The following EIF4G3 variants were observed in gnomAD, a reference collection of about 807,000 sequenced individuals.
EIF4G3 encodes the protein eIF-4-gamma 3.
Under a neutral mutation model 186.4 loss-of-function variants are expected in EIF4G3, and 34 were observed. The observed-to-expected ratio is 0.18, with a 90% CI of 0.14 to 0.24. The LOEUF (loss-of-function observed/expected upper bound fraction) is 0.24, where lower values mean the gene tolerates loss of function less well. Ranked by LOEUF, EIF4G3 falls within the 10% of genes least tolerant of loss-of-function variation. EIF4G3 has a pLI of 1.00. For synonymous variants in EIF4G3, 673 were observed against 679.5 expected (o/e 0.99, Z 0.15); for missense variants, 1,536 against 1,948.5 (o/e 0.79, Z 3.99).
intron 2 of EIF4G3, among the ~76,000 whole-genome samples, chr1:21,125,263 C>T (rs2097008634): frequency 6.6e-6 from 1 of 152,070 alleles, no homozygotes; most frequent in African/African-American, 2.4e-5. Flanking sequence ...TGATATTCAA[C>T]TTCTGATAAA....
At chr1:21,157,413 C>T (rs6426674) in intron 2 of EIF4G3, among the ~76,000 whole-genome samples, 50,682 of 151,584 alleles carry the variant, frequency 0.33, 9,194 homozygotes, top group Non-Finnish European at 0.41. Flanking sequence ...TCTTTCTTAC[C>T]CAGGCTGGAG....
At chr1:21,125,898 T>C (rs2097030961) in intron 2 of EIF4G3, among the ~76,000 whole-genome samples, 2 of 151,296 alleles carry the variant, frequency 1.3e-5, no homozygotes, top group African/African-American at 4.9e-5. Flanking sequence ...CTTATTCCTA[T>C]TTCAGGATGA....
At chr1:20,843,976 G>A (rs974358431) in intron 29 of EIF4G3, among the ~76,000 whole-genome samples, 1 of 152,170 alleles carries the variant, frequency 6.6e-6, no homozygotes, top group Non-Finnish European at 1.5e-5. Flanking sequence ...TCCCTGCAAA[G>A]GAAAGGATCT....
At chr1:21,168,359 G>A (rs900709646) in intron 2 of EIF4G3, among the ~76,000 whole-genome samples, 2 of 151,906 alleles carry the variant, frequency 1.3e-5, no homozygotes, top group Non-Finnish European at 1.5e-5. Context: ...AGCTGAGATC[G>A]TGCCACTGCA....
At chr1:21,096,007 AAC>A (rs1222423912) in intron 2 of EIF4G3, among the ~76,000 whole-genome samples, 2 of 152,228 alleles carry the variant, frequency 1.3e-5, no homozygotes, top group East Asian at 3.8e-4. Context: ...AATATGCTTT[AAC>A]AGTGTTTTCT....
chr1:20,902,531 A>G (rs1399047465), intron 15 of EIF4G3, among the ~76,000 whole-genome samples: 1 of 152,250 alleles, frequency 6.6e-6, no homozygotes, highest in Non-Finnish European at 1.5e-5. Context: ...TTACTACACT[A>G]TGCCAACAAA....
chr1:21,048,860 A>T (rs1314205253), intron 4 of EIF4G3, among the ~76,000 whole-genome samples: 5 of 152,124 alleles, frequency 3.3e-5, no homozygotes, highest in African/African-American at 7.2e-5. Flanking sequence ...TACCACAAAA[A>T]ATAAGACGTA....
chr1:20,903,751 C>T (rs2091210233), intron 15 of EIF4G3, among the ~76,000 whole-genome samples: 1 of 152,006 alleles, frequency 6.6e-6, no homozygotes, highest in African/African-American at 2.4e-5. Context: ...CTGTTAGATA[C>T]CCAAAGAAGG....
intron 2 of EIF4G3, among the ~76,000 whole-genome samples, chr1:21,101,944 A>G (rs542964182): frequency 1.4e-4 from 22 of 152,296 alleles, no homozygotes; most frequent in African/African-American, 5.1e-4. Context: ...TGTTAAAGTT[A>G]TAAGTTATAT....
chr1:20,913,235 G>A (rs1360723065), intron 14 of EIF4G3, among the ~76,000 whole-genome samples: 2 of 152,160 alleles, frequency 1.3e-5, no homozygotes, highest in African/African-American at 2.4e-5. Context: ...AAACAAAACA[G>A]TATAATAAAA....
At chr1:20,961,229 AAAAATT>A (rs1398109547) in intron 12 of EIF4G3, among the ~76,000 whole-genome samples, 1 of 152,094 alleles carries the variant, frequency 6.6e-6, no homozygotes, top group Admixed American at 6.5e-5. Flanking sequence ...CTAAAAACAC[AAAAATT>A]AGCTGGGCAT....
At chr1:20,983,600 A>C (rs1217101321) in intron 7 of EIF4G3, among the ~76,000 whole-genome samples, 2 of 152,212 alleles carry the variant, frequency 1.3e-5, no homozygotes, top group African/African-American at 4.8e-5. Context: ...CAAGAATGAT[A>C]CAAGCCTCAA....
At chr1:21,021,757 T>C (rs1240437018) in intron 4 of EIF4G3, among the ~76,000 whole-genome samples, 1 of 152,096 alleles carries the variant, frequency 6.6e-6, no homozygotes, top group African/African-American at 2.4e-5. Flanking sequence ...GATTTCACCA[T>C]GTTGGGCAGG....
intron 2 of EIF4G3, among the ~76,000 whole-genome samples, chr1:21,139,902 T>C (rs2097309192): frequency 6.6e-6 from 1 of 152,266 alleles, no homozygotes; most frequent in Non-Finnish European, 1.5e-5. Flanking sequence ...TAGCACTGAG[T>C]ACAACTATCC....
intron 7 of EIF4G3, among the ~76,000 whole-genome samples, chr1:20,994,627 A>ATTTTT (rs1558615949): frequency 2.7e-5 from 3 of 109,136 alleles, no homozygotes; most frequent in Admixed American, 9.1e-5. Flanking sequence ...AAACATATAT[A>ATTTTT]CTTTTTTTTT....
At chr1:20,895,008 T>C (rs932654480) in intron 17 of EIF4G3, among the ~76,000 whole-genome samples, 8 of 152,112 alleles carry the variant, frequency 5.3e-5, no homozygotes, top group East Asian at 3.8e-4. Context: ...TCAATGCCAA[T>C]AGAATTCCAT....
intron 4 of EIF4G3, among the ~76,000 whole-genome samples, chr1:21,033,638 C>G (rs2092931489): frequency 6.6e-6 from 1 of 152,200 alleles, no homozygotes; most frequent in African/African-American, 2.4e-5. Flanking sequence ...CTGTGATTCA[C>G]AGCCAGGTCT....
chr1:20,991,123 G>A (rs186664703), intron 7 of EIF4G3, among the ~76,000 whole-genome samples: 1 of 152,296 alleles, frequency 6.6e-6, no homozygotes, highest in Admixed American at 6.5e-5. Flanking sequence ...ATTTATAATG[G>A]AGATTATTCC....
intron 4 of EIF4G3, among the ~76,000 whole-genome samples, chr1:21,027,488 G>A (rs1339355075): frequency 1.3e-5 from 2 of 151,758 alleles, no homozygotes; most frequent in Non-Finnish European, 2.9e-5. Flanking sequence ...AAATTAGCCG[G>A]GCATGGTGGC....
Sources: gnomAD v4.1 joint callset for allele counts (sites outside exome capture counted in the v4.1 genomes callset) on GRCh38, gnomAD v4.1.1 for gene constraint, MANE v1.5 for transcripts, NCBI Gene and HGNC (gene_info 2026-07-23, HGNC 2026-07-21) for gene names.